Variants in GALNT17 observed in about 807,000 individuals in gnomAD.
GALNT17 encodes the protein polypeptide N-acetylgalactosaminyltransferase 17, also known as UDP-GalNAc:polypeptide N-acetylgalactosaminyltransferase-like 3.
In GALNT17, 29 loss-of-function variants were observed where a neutral mutation model predicts 63.7. The observed-to-expected ratio is 0.46, with a 90% CI of 0.34 to 0.62. GALNT17 has a LOEUF of 0.62. Ranked by LOEUF, GALNT17 falls within the 20% of genes least tolerant of loss-of-function variation. GALNT17 has a pLI of 0.01. For synonymous variants in GALNT17, 305 were observed against 318.3 expected, an observed-to-expected ratio of 0.96 and a Z score of 0.45; for missense variants, 603 against 799.6, an observed-to-expected ratio of 0.75 and a Z score of 2.97.
intron 1 of GALNT17, among the ~76,000 whole-genome samples, chr7:71,221,867 A>C (rs1789590702): frequency 6.6e-6 from 1 of 151,146 alleles, no homozygotes; most frequent in Admixed American, 6.6e-5. Context: ...ATAAATTAGC[A>C]TTAGTACAAT....
intron 10 of GALNT17, among the ~76,000 whole-genome samples, chr7:71,711,531 C>CTCTCCCTCTG (rs1255972088): frequency 6.6e-6 from 1 of 151,128 alleles, no homozygotes. Flanking sequence ...CTCTCTCCCT[C>CTCTCCCTCTG]TCTCCCTCTG....
At chr7:71,562,394 T>C (rs1164943265) in intron 5 of GALNT17, among the ~76,000 whole-genome samples, 1 of 152,166 alleles carries the variant, frequency 6.6e-6, no homozygotes, top group Non-Finnish European at 1.5e-5. Flanking sequence ...TATTATTACA[T>C]TGTAATATAT....
intron 6 of GALNT17, among the ~76,000 whole-genome samples, chr7:71,579,749 C>T (rs1056639298): frequency 6.6e-6 from 1 of 152,212 alleles, no homozygotes; most frequent in South Asian, 2.1e-4. Context: ...CGACAACCAT[C>T]AAGGTGGGGC....
At chr7:71,536,253 G>C (rs1788800315) in intron 5 of GALNT17, among the ~76,000 whole-genome samples, 1 of 152,132 alleles carries the variant, frequency 6.6e-6, no homozygotes, top group Non-Finnish European at 1.5e-5. Flanking sequence ...GAGGCTCCTA[G>C]ATCTGGGTCT....
intron 1 of GALNT17, among the ~76,000 whole-genome samples, chr7:71,306,681 G>T (rs987180351): frequency 2.6e-5 from 4 of 152,198 alleles, no homozygotes; most frequent in African/African-American, 9.6e-5. Flanking sequence ...AATTACTTTT[G>T]CACCAACTTA....
At chr7:71,544,868 T>C (rs1315308406) in intron 5 of GALNT17, among the ~76,000 whole-genome samples, 1 of 151,340 alleles carries the variant, frequency 6.6e-6, no homozygotes, top group Non-Finnish European at 1.5e-5. Flanking sequence ...TTTTTTCATC[T>C]GTAAGATAAG....
chr7:71,409,332 T>G (rs947279327), intron 3 of GALNT17, among the ~76,000 whole-genome samples: 5 of 152,158 alleles, frequency 3.3e-5, no homozygotes, highest in African/African-American at 1.2e-4. Context: ...CAATATGCAC[T>G]TAGCAGACCA....
chr7:71,434,359 A>C (rs908274885), intron 5 of GALNT17, among the ~76,000 whole-genome samples: 2 of 152,186 alleles, frequency 1.3e-5, no homozygotes, highest in African/African-American at 4.8e-5. Context: ...GGACCAGACC[A>C]GCTGAGGCTG....
intron 2 of GALNT17, among the ~76,000 whole-genome samples, chr7:71,341,285 G>T (rs1792001258): frequency 6.6e-6 from 1 of 152,134 alleles, no homozygotes; most frequent in Non-Finnish European, 1.5e-5. Flanking sequence ...TGAAAATTAG[G>T]AGTGGAAAGA....
rs190385449 is a variant in GALNT17 at position 71,362,247 on chromosome 7, C to T, written c.423-25988C>T. On this transcript the variant is annotated intron_variant, in intron 2 of 10. Transcript: ENST00000333538. ...TGTTGGGATTATAGGCGTGAGCCAC[C>T]GCGCCCGGCTTTGTATGAGATTTTG... is the stretch of plus-strand genomic sequence containing the variant. Among the ~76,000 whole-genome samples the T allele has an allele frequency of 4.2e-3, 643 of 152,250 alleles. 7 individuals carry two copies. Among genetic ancestry groups the T allele is most frequent in the African/African-American group, 0.013 (543 of 41,538 alleles).
chr7:71,160,331 G>C (rs1030812206), intron 1 of GALNT17, among the ~76,000 whole-genome samples: 2 of 152,126 alleles, frequency 1.3e-5, no homozygotes, highest in Non-Finnish European at 2.9e-5. Flanking sequence ...AACAATTTTA[G>C]TTGTTGTATA....
intron 6 of GALNT17, among the ~76,000 whole-genome samples, chr7:71,627,947 G>A (rs73371247): frequency 0.076 from 11,532 of 152,092 alleles, 550 homozygotes; most frequent in African/African-American, 0.14. Context: ...GTTCTTGAAG[G>A]GGGGTGCAAA....
intron 6 of GALNT17, among the ~76,000 whole-genome samples, chr7:71,657,663 T>G (rs1436659249): frequency 6.6e-6 from 1 of 152,148 alleles, no homozygotes. Flanking sequence ...TAAAATTGAG[T>G]CATCAGATCA....
intron 1 of GALNT17, among the ~76,000 whole-genome samples, chr7:71,324,825 A>G (rs1158913149): frequency 2.0e-5 from 3 of 152,218 alleles, no homozygotes; most frequent in Non-Finnish European, 2.9e-5. Context: ...TTTAGCATAA[A>G]TTTTGTGTAC....
At chr7:71,524,240 T>A (rs1283807614) in intron 5 of GALNT17, among the ~76,000 whole-genome samples, 3 of 147,262 alleles carry the variant, frequency 2.0e-5, no homozygotes, top group Non-Finnish European at 4.5e-5. Context: ...ATTATATATA[T>A]AATAATAATA....
chr7:71,234,914 CAG>C (rs1789858606), intron 1 of GALNT17, among the ~76,000 whole-genome samples: 2 of 152,100 alleles, frequency 1.3e-5, no homozygotes, highest in African/African-American at 4.8e-5. Flanking sequence ...CCTGCCTATG[CAG>C]AGGACGCTGG....
chr7:71,385,194 C>A (rs55918252), intron 2 of GALNT17, among the ~76,000 whole-genome samples: 1 of 151,988 alleles, frequency 6.6e-6, no homozygotes, highest in African/African-American at 2.4e-5. Context: ...GTGAGCCAAG[C>A]GATACCGAGA....
chr7:71,503,483 C>G (rs527507968), intron 5 of GALNT17, among the ~76,000 whole-genome samples: 1 of 152,266 alleles, frequency 6.6e-6, no homozygotes, highest in Non-Finnish European at 1.5e-5. Flanking sequence ...GCGATCTGCC[C>G]ACCCCGGCCT....
intron 5 of GALNT17, among the ~76,000 whole-genome samples, chr7:71,475,778 C>T (rs1387447053): frequency 2.0e-5 from 3 of 152,192 alleles, no homozygotes; most frequent in Non-Finnish European, 2.9e-5. Flanking sequence ...ATCAAAGATG[C>T]ATACTCTATA....
Sources: allele counts gnomAD v4.1 joint callset (sites outside exome capture counted in the v4.1 genomes callset), GRCh38; gene constraint gnomAD v4.1.1; transcripts MANE v1.5; gene names NCBI Gene and HGNC (gene_info 2026-07-23, HGNC 2026-07-21).